The following RPL27A variants were observed in gnomAD, a reference collection of about 807,000 sequenced individuals.
RPL27A encodes large ribosomal subunit protein uL15.
For synonymous variants in RPL27A, 69 were observed against 68.3 expected, an observed-to-expected ratio of 1.01 and a Z score of -0.05; for missense variants, 118 against 189.4, an observed-to-expected ratio of 0.62 and a Z score of 2.21.
In RPL27A at chr11:8,685,984, C is replaced by G. The variant is rs1226871992; in HGVS notation, c.*178C>G. The G allele has an allele frequency of 1.7e-6, 1 of 600,778 alleles. No homozygotes were observed. Among genetic ancestry groups the G allele is most frequent in the South Asian group, 2.1e-5 (1 of 47,944 alleles). 37.2% of individuals were successfully genotyped at this position (600,778 alleles called of 1,614,324 possible). Reference sequence around the variant, plus strand: ...CTCAAATATATGGTAAACGTAAGACCAACACAGACGTTGGCCAGTTAAACA... The same window carrying G: ...CTCAAATATATGGTAAACGTAAGACGAACACAGACGTTGGCCAGTTAAACA... On this transcript the variant is annotated 3_prime_UTR_variant, in exon 5 of 5. Transcript: ENST00000314138.
rs1340540560 is a variant in RPL27A at position 8,689,570 on chromosome 11, C to G, written c.*3764C>G. The G allele has an allele frequency of 6.6e-6, 1 of 150,912 alleles. No homozygotes were observed. Among genetic ancestry groups the G allele is most frequent in the Non-Finnish European group, 1.5e-5 (1 of 67,900 alleles). The allele number at this position is 150,912 out of a possible 1,614,324, so 9.3% of individuals were successfully genotyped here. Reference sequence around the variant, plus strand: ...TGCTGAAAAGTAATATTTTCTCTTTCGAGAGTTTTCATGGCCTTTTAAATT... The same window carrying G: ...TGCTGAAAAGTAATATTTTCTCTTTGGAGAGTTTTCATGGCCTTTTAAATT... On this transcript the variant is annotated 3_prime_UTR_variant, in exon 5 of 5. Coordinates refer to ENST00000314138, the MANE Select transcript of RPL27A (RefSeq NM_000990.5).
chr11:8,684,254 C>A (rs778248935), intron 3 of RPL27A, 173 bp downstream of exon 3: 1 of 766,402 alleles, frequency 1.3e-6, no homozygotes, highest in Admixed American at 1.7e-5. Flanking sequence ...GCTTGGGTAT[C>A]GGCTATTGCC....
rs2039605334 is a variant in RPL27A at position 8,688,257 on chromosome 11, T to TGGAAGGAAGTAGAGTTTGGGG, written c.*2459_*2479dup. On this transcript the variant is annotated 3_prime_UTR_variant, in exon 5 of 5. Coordinates refer to ENST00000314138, the MANE Select transcript of RPL27A (RefSeq NM_000990.5). ...GGGCCGACCACAAAATGATAAGGCA[T>TGGAAGGAAGTAGAGTTTGGGG]GGAAGGAAGTAGAGTTTGGGGGGAA... 1 of 152,180 alleles carries TGGAAGGAAGTAGAGTTTGGGG rather than the reference T, an allele frequency of 6.6e-6. No individual in the cohort carries two copies. Among genetic ancestry groups the TGGAAGGAAGTAGAGTTTGGGG allele is most frequent in the Non-Finnish European group, 1.5e-5 (1 of 68,040 alleles). 9.4% of individuals were successfully genotyped at this position (152,180 alleles called of 1,614,324 possible). A position where few individuals can be genotyped will look rare whatever the true frequency, so the allele number is the denominator to read the frequency against.
At position 8,686,327 on chromosome 11, in the gene RPL27A, GT is replaced by G. The variant is rs1460846810; in HGVS notation, c.*523del. 1 of 152,800 alleles carries G rather than the reference GT, an allele frequency of 6.5e-6. No individual in the cohort carries two copies. Among genetic ancestry groups the G allele is most frequent in the Non-Finnish European group, 1.5e-5 (1 of 68,574 alleles). The allele number at this position is 152,800 out of a possible 1,614,324, so 9.5% of individuals were successfully genotyped here. A position where few individuals can be genotyped will look rare whatever the true frequency, so the allele number is the denominator to read the frequency against. On this transcript the variant is annotated 3_prime_UTR_variant, in exon 5 of 5. Transcript: ENST00000314138. Reference sequence around the variant, plus strand: ...GCTCACTGCAGCCTCCGCCTCCCAGGTTAAGCGATTCTCCTGCCTCAGCTTC... The same window carrying G: ...GCTCACTGCAGCCTCCGCCTCCCAGGTAAGCGATTCTCCTGCCTCAGCTTC...
In RPL27A at chr11:8,684,024, C is replaced by T; in HGVS notation, c.86C>T (p.Pro29Leu). Reference sequence around the variant, plus strand: ...CCTGCAGGCAAGCACCGGAAGCACCCCGGCGGCCGCGGTAATGCTGGTGGT... The same window carrying T: ...CCTGCAGGCAAGCACCGGAAGCACCTCGGCGGCCGCGGTAATGCTGGTGGT... ...HGRIGKHRKH[P>L]GGRGNAGGLH... Residue 29 changes from proline to leucine, a missense_variant, in exon 3 of 5, where the codon CCC becomes CTC. Coordinates refer to ENST00000314138, the MANE Select transcript of RPL27A (RefSeq NM_000990.5). 6.2e-7 allele frequency: 1 copy of T among 1,612,944 alleles called. No homozygotes were observed. Among genetic ancestry groups the T allele is most frequent in the Non-Finnish European group, 8.5e-7 (1 of 1,179,998 alleles).
chr11:8,682,884 C>A, intron 1 of RPL27A, 68 bp downstream of exon 1: 1 of 1,542,540 alleles, frequency 6.5e-7, no homozygotes, highest in South Asian at 1.2e-5. Flanking sequence ...TCCCATTGCC[C>A]CTAGTCATCC....
chr11:8,684,402 A>T, intron 3 of RPL27A: 1 of 717,658 alleles, frequency 1.4e-6, no homozygotes, highest in Non-Finnish European at 2.6e-6. Flanking sequence ...AATTTTGGCT[A>T]TTCAGAAGAC....
At position 8,684,034 on chromosome 11, in the gene RPL27A, C is replaced by T; in HGVS notation, c.96C>T (p.Arg32=). The T allele has an allele frequency of 1.9e-6, 3 of 1,613,214 alleles. No individual in the cohort carries two copies. Among genetic ancestry groups the T allele is most frequent in the Non-Finnish European group, 2.5e-6 (3 of 1,179,992 alleles). ...AGCACCGGAAGCACCCCGGCGGCCGCGGTAATGCTGGTGGTCTGCATCACC... is the reference window on the plus strand; with the variant it reads ...AGCACCGGAAGCACCCCGGCGGCCGTGGTAATGCTGGTGGTCTGCATCACC... ...IGKHRKHPGG[R]GNAGGLHHHR... The change falls in exon 3 of 5, where the codon CGC becomes CGT. Residue 32 remains arginine, a synonymous_variant. Transcript: ENST00000314138.
intron 3 of RPL27A, chr11:8,684,436 TTTCC>T: frequency 1.4e-6 from 1 of 714,394 alleles, no homozygotes; most frequent in South Asian, 1.4e-5. Flanking sequence ...GTATGTAGAT[TTTCC>T]ATAGAGTGCT....
chr11:8,685,959 C>T lies in RPL27A; in HGVS notation c.*153C>T, dbSNP rs1450512031. On this transcript the variant is annotated 3_prime_UTR_variant, in exon 5 of 5. Coordinates refer to ENST00000314138, the MANE Select transcript of RPL27A (RefSeq NM_000990.5). ...GACATGGGGTCCTCTCCTGACTTCC[C>T]TCAAATATATGGTAAACGTAAGACC... 1.5e-6 allele frequency: 1 copy of T among 655,706 alleles called. No homozygotes were observed. The highest frequency in any genetic ancestry group is 1.8e-5 in the African/African-American group (1 of 55,002). The allele number at this position is 655,706 out of a possible 1,614,324, so 40.6% of individuals were successfully genotyped here.
In RPL27A at chr11:8,687,172, T is replaced by A. The variant is rs2039594036; in HGVS notation, c.*1366T>A. On this transcript the variant is annotated 3_prime_UTR_variant, in exon 5 of 5. Coordinates refer to ENST00000314138, the MANE Select transcript of RPL27A (RefSeq NM_000990.5). ...ATTTGGCTTGTATCTTCTGTTGTGC[T>A]GGAGAAGTTAGAAATAAGGGCTCTC... 6.6e-6 allele frequency: 1 copy of A among 152,268 alleles called. No individual in the cohort carries two copies. Among genetic ancestry groups the A allele is most frequent in the Non-Finnish European group, 1.5e-5 (1 of 68,046 alleles). 9.4% of individuals were successfully genotyped at this position (152,268 alleles called of 1,614,324 possible).
intron 1 of RPL27A, 61 bp from the exon 2 acceptor site, chr11:8,683,141 G>T: frequency 1.3e-6 from 2 of 1,513,848 alleles, no homozygotes; most frequent in Non-Finnish European, 1.8e-6. Context: ...CATCTCGGCT[G>T]GCGGGCATCG....
At position 8,684,509 on chromosome 11, in the gene RPL27A, T is replaced by G. The variant is rs569924781; in HGVS notation, c.144-209T>G. ...CTCTGACATTGTCGGTGGTTTATCC[T>G]GGTTCCAGGAAATAAGACTAGCCTT... On this transcript the variant is annotated intron_variant, in intron 3 of 4. Coordinates refer to ENST00000314138, the MANE Select transcript of RPL27A (RefSeq NM_000990.5). 1.1e-3 allele frequency: 765 copies of G among 672,058 alleles called. 3 individuals carry two copies. The highest frequency in any genetic ancestry group is 1.9e-3 in the South Asian group (114 of 59,264). The allele number at this position is 672,058 out of a possible 1,614,324, so 41.6% of individuals were successfully genotyped here.
chr11:8,684,414 T>C, intron 3 of RPL27A: 2 of 715,226 alleles, frequency 2.8e-6, no homozygotes, highest in Non-Finnish European at 5.2e-6. Flanking sequence ...TCAGAAGACG[T>C]TTATTATAGG....
rs2039602661 is a variant in RPL27A at position 8,687,942 on chromosome 11, G to C, written c.*2136G>C. 6.8e-6 allele frequency: 1 copy of C among 147,054 alleles called. No homozygotes were observed. Among genetic ancestry groups the C allele is most frequent in the Admixed American group, 7.0e-5 (1 of 14,356 alleles). 9.1% of individuals were successfully genotyped at this position (147,054 alleles called of 1,614,324 possible). ...GCCCAGGCACTTAATTTTTGTGTTT[G>C]ACTTAGTAACTTAAGTGCAAACTAT... On this transcript the variant is annotated 3_prime_UTR_variant, in exon 5 of 5. Transcript: ENST00000314138.
rs766061739 is a variant in RPL27A, at chr11:8,682,800, T to C, written c.-14T>C. ...ACTTGGCGAAGGCCTTCCTTTTTCG[T>C]CTGGGCTGCCAACATGGTAGGTGTT... On this transcript the variant is annotated 5_prime_UTR_variant, in exon 1 of 5. Coordinates refer to ENST00000314138, the MANE Select transcript of RPL27A (RefSeq NM_000990.5). 2.3e-5 allele frequency: 37 copies of C among 1,613,424 alleles called. No homozygotes were observed. Among genetic ancestry groups the C allele is most frequent in the Non-Finnish European group, 3.1e-5 (36 of 1,179,654 alleles).
intron 1 of RPL27A, 154 bp from the exon 2 acceptor site, chr11:8,683,048 C>A (rs1463702968): frequency 1.7e-5 from 15 of 875,434 alleles, no homozygotes; most frequent in Non-Finnish European, 2.5e-5. Flanking sequence ...CGTGGTGAGA[C>A]CTCACGGCCC....
chr11:8,684,883 G>C lies in RPL27A; in HGVS notation c.309G>C (p.Val103=). Residue 103 remains valine, a synonymous_variant, in exon 4 of 5, where the codon GTG becomes GTC. Coordinates refer to ENST00000314138, the MANE Select transcript of RPL27A (RefSeq NM_000990.5). ...NKTGAAPIID[V]VRSGYYKVLG... The stretch of plus-strand genomic sequence containing the variant: ...CTGGGGCTGCTCCCATCATTGATGT[G>C]GTGCGATCGGTAAGTTAATTGGATG... The C allele has an allele frequency of 6.2e-7, 1 of 1,614,130 alleles. No homozygotes were observed. The highest frequency in any genetic ancestry group is 1.1e-5 in the South Asian group (1 of 91,082).
chr11:8,684,979 T>G, intron 4 of RPL27A, 87 bp downstream of exon 4: 1 of 1,267,802 alleles, frequency 7.9e-7, no homozygotes, highest in Non-Finnish European at 1.2e-6. Flanking sequence ...AATCTGTACT[T>G]CCCAGTTACC....
Sources: gnomAD v4.1 joint callset for allele counts on GRCh38, gnomAD v4.1.1 for gene constraint, MANE v1.5 for transcripts, NCBI Gene and HGNC (gene_info 2026-07-23, HGNC 2026-07-21) for gene names.